SLC36A1: variants seen among roughly 807,000 people sequenced by gnomAD.
SLC36A1 encodes the protein solute carrier family 36 member 1.
In SLC36A1, 30 loss-of-function variants were observed where a neutral mutation model predicts 47.5. The observed-to-expected ratio is 0.63, with a 90% CI of 0.47 to 0.86. SLC36A1 has a LOEUF of 0.86. SLC36A1 is among the 40% of genes least tolerant of loss of function. The pLI is 0.00. For missense variants in SLC36A1, 517 were observed against 606.0 expected, an observed-to-expected ratio of 0.85 and a Z score of 1.54; for synonymous variants, 255 against 249.7, an observed-to-expected ratio of 1.02 and a Z score of -0.20.
chr5:151,439,787 A>C (rs891121927), intron 1 of SLC36A1, among the ~76,000 whole-genome samples: 1 of 151,956 alleles, frequency 6.6e-6, no homozygotes, highest in African/African-American at 2.4e-5. Flanking sequence ...TTCTTGCTTC[A>C]GTGGCTGTTT....
chr5:151,479,039 G>C (rs530108047), intron 9 of SLC36A1, among the ~76,000 whole-genome samples: 1 of 152,194 alleles, frequency 6.6e-6, no homozygotes, highest in Non-Finnish European at 1.5e-5. Context: ...GGGGCACCAC[G>C]ATTTACCTAT....
the SLC36A1 span, chr5:151,540,646 G>T: frequency 6.2e-7 from 1 of 1,614,204 alleles, no homozygotes; most frequent in Non-Finnish European, 8.5e-7. Flanking sequence ...CTTGCCATCA[G>T]ATGCTGTGAC....
At chr5:151,407,064 G>A in the SLC36A1 span, among the ~76,000 whole-genome samples, 1 of 152,140 alleles carries the variant, frequency 6.6e-6, no homozygotes, top group African/African-American at 2.4e-5. Context: ...GTGGGTTCAT[G>A]GTCTTGCTGA....
At chr5:151,430,793 G>T in the SLC36A1 span, among the ~76,000 whole-genome samples, 1 of 152,114 alleles carries the variant, frequency 6.6e-6, no homozygotes, top group Non-Finnish European at 1.5e-5. Context: ...AATGCTTTTT[G>T]GGTATCCTCA....
chr5:151,416,640 T>TTGTCAGGG, the SLC36A1 span, among the ~76,000 whole-genome samples: 4 of 151,986 alleles, frequency 2.6e-5, no homozygotes, highest in South Asian at 4.2e-4. Context: ...AACAGCTCTG[T>TTGTCAGGG]TGTCAGGGTG....
the SLC36A1 span, among the ~76,000 whole-genome samples, chr5:151,345,563 G>T: frequency 6.6e-6 from 1 of 152,296 alleles, no homozygotes; most frequent in African/African-American, 2.4e-5. Flanking sequence ...GAGAAAGGGG[G>T]TGGAGAGTCC....
the SLC36A1 span, among the ~76,000 whole-genome samples, chr5:151,362,573 T>A: frequency 1.3e-5 from 2 of 152,036 alleles, no homozygotes; most frequent in Non-Finnish European, 2.9e-5. Context: ...GTATTTTTAG[T>A]AGAGATGAGG....
the SLC36A1 span, chr5:151,542,782 G>A: frequency 6.2e-7 from 1 of 1,614,218 alleles, no homozygotes. Flanking sequence ...GATGTTGACA[G>A]AGACCAAGGA....
the SLC36A1 span, among the ~76,000 whole-genome samples, chr5:151,367,300 C>G: frequency 6.6e-6 from 1 of 150,816 alleles, no homozygotes; most frequent in African/African-American, 2.4e-5. Context: ...CAGTCCTTAT[C>G]TCAACGGCAC....
At chr5:151,396,264 C>T in the SLC36A1 span, among the ~76,000 whole-genome samples, 1 of 151,906 alleles carries the variant, frequency 6.6e-6, no homozygotes, top group African/African-American at 2.4e-5. Flanking sequence ...ATGTGTGCAC[C>T]ACCATGCCCG....
At chr5:151,526,004 G>A in the SLC36A1 span, 10 of 1,597,338 alleles carry the variant, frequency 6.3e-6, no homozygotes, top group South Asian at 1.1e-5. Context: ...AGAGCAGAAT[G>A]AGTCCCGGTC....
At chr5:151,475,894 G>A (rs1324144016) in intron 8 of SLC36A1, among the ~76,000 whole-genome samples, 4 of 152,204 alleles carry the variant, frequency 2.6e-5, no homozygotes, top group Non-Finnish European at 4.4e-5. Flanking sequence ...AGTCACACCT[G>A]CCATTTTCCC....
At chr5:151,391,816 G>T in the SLC36A1 span, among the ~76,000 whole-genome samples, 1 of 152,172 alleles carries the variant, frequency 6.6e-6, no homozygotes, top group Non-Finnish European at 1.5e-5. Flanking sequence ...GTATTTTATT[G>T]AGGATTTTTG....
chr5:151,542,533 C>A, the SLC36A1 span: 1 of 1,614,200 alleles, frequency 6.2e-7, no homozygotes, highest in Non-Finnish European at 8.5e-7. Flanking sequence ...GCAGGTCTCA[C>A]AGTCAAGTTC....
At chr5:151,542,754 A>G in the SLC36A1 span, 1 of 1,614,216 alleles carries the variant, frequency 6.2e-7, no homozygotes. Context: ...GCCTATTGTC[A>G]TTGACGTCTC....
At chr5:151,451,263 C>T (rs185650331) in intron 1 of SLC36A1, among the ~76,000 whole-genome samples, 198 of 152,070 alleles carry the variant, frequency 1.3e-3, no homozygotes, top group Non-Finnish European at 2.2e-3. Flanking sequence ...ATTTTGTCCA[C>T]GCTGGTCTTG....
intron 1 of SLC36A1, among the ~76,000 whole-genome samples, chr5:151,456,198 AG>A (rs1754474531): frequency 6.6e-6 from 1 of 152,190 alleles, no homozygotes; most frequent in Non-Finnish European, 1.5e-5. Flanking sequence ...CAGTAGAGGC[AG>A]GGTCTCACTA....
At chr5:151,411,002 A>G in the SLC36A1 span, among the ~76,000 whole-genome samples, 2 of 144,880 alleles carry the variant, frequency 1.4e-5, no homozygotes, top group Non-Finnish European at 3.0e-5. Flanking sequence ...TAAAGTCTAT[A>G]CTTGTACCCA....
chr5:151,349,643 A>C, the SLC36A1 span, among the ~76,000 whole-genome samples: 501 of 152,280 alleles, frequency 3.3e-3, 8 homozygotes, highest in African/African-American at 0.012. Context: ...TGGGTGGGGC[A>C]GGCAACTGGT....
Sources: allele counts gnomAD v4.1 joint callset (sites outside exome capture counted in the v4.1 genomes callset), GRCh38; gene constraint gnomAD v4.1.1; transcripts MANE v1.5; gene names NCBI Gene and HGNC (gene_info 2026-07-23, HGNC 2026-07-21).